Variants in KCNH5 observed in about 807,000 individuals in gnomAD.
The protein encoded by KCNH5 is potassium voltage-gated channel subfamily H member 5, also known as voltage-gated delayed rectifier potassium channel KCNH5.
Under a neutral mutation model 96.1 loss-of-function variants are expected in KCNH5, and 46 were observed. That is an observed-to-expected ratio of 0.48 (90% CI 0.38 to 0.61). The LOEUF is 0.61. Among genes scored for constraint, KCNH5 ranks in the 20% least tolerant of loss-of-function variants. The pLI is 0.00. For missense variants in KCNH5, 907 were observed against 1,225.8 expected, an observed-to-expected ratio of 0.74 and a Z score of 3.88; for synonymous variants, 439 against 449.8, an observed-to-expected ratio of 0.98 and a Z score of 0.30.
chr14:62,976,641 C>G (rs1298398230), intron 6 of KCNH5, among the ~76,000 whole-genome samples: 3 of 152,022 alleles, frequency 2.0e-5, no homozygotes, highest in Admixed American at 6.6e-5. Context: ...AGTTACAGAA[C>G]CTTAGGACAG....
chr14:62,842,333 A>C (rs1887602411), intron 8 of KCNH5, among the ~76,000 whole-genome samples: 1 of 152,178 alleles, frequency 6.6e-6, no homozygotes, highest in South Asian at 2.1e-4. Flanking sequence ...AAACGAAAAA[A>C]CTGAGGTTTC....
intron 7 of KCNH5, among the ~76,000 whole-genome samples, chr14:62,882,617 T>C (rs1249934317): frequency 6.6e-6 from 1 of 152,248 alleles, no homozygotes; most frequent in African/African-American, 2.4e-5. Flanking sequence ...AGGGCCACCA[T>C]GCTGATCCAT....
At chr14:62,852,569 C>T (rs899220587) in intron 7 of KCNH5, among the ~76,000 whole-genome samples, 4 of 150,680 alleles carry the variant, frequency 2.7e-5, no homozygotes, top group Non-Finnish European at 4.4e-5. Flanking sequence ...GATAATGGCA[C>T]AGTACAATTA....
At chr14:62,756,138 G>A (rs1255491873) in intron 10 of KCNH5, among the ~76,000 whole-genome samples, 1 of 151,716 alleles carries the variant, frequency 6.6e-6, no homozygotes, top group African/African-American at 2.4e-5. Flanking sequence ...GTAAAAATCA[G>A]TAGCATTTTT....
At chr14:62,737,472 C>T (rs1338593122) in intron 10 of KCNH5, among the ~76,000 whole-genome samples, 1 of 152,162 alleles carries the variant, frequency 6.6e-6, no homozygotes, top group Non-Finnish European at 1.5e-5. Flanking sequence ...AGTAGAGTCT[C>T]AGTCTGTTTA....
intron 10 of KCNH5, among the ~76,000 whole-genome samples, chr14:62,730,304 C>A (rs926951592): frequency 3.3e-5 from 5 of 152,116 alleles, no homozygotes; most frequent in African/African-American, 4.8e-5. Context: ...ATCTTCTAAT[C>A]CTTATTTTAC....
intron 7 of KCNH5, among the ~76,000 whole-genome samples, chr14:62,878,431 T>A (rs1174459962): frequency 6.6e-6 from 1 of 152,040 alleles, no homozygotes; most frequent in Non-Finnish European, 1.5e-5. Context: ...CTAAAGAACA[T>A]CATAATCACA....
Position 62,949,519 on chromosome 14 carries a change from G to T in KCNH5, c.1369+614C>A, listed in dbSNP as rs185646799. On this transcript the variant is annotated intron_variant, in intron 7 of 10. Coordinates refer to ENST00000322893, the MANE Select transcript of KCNH5 (RefSeq NM_139318.5). ...GAGCACATGGTCTTTGTTCCTTTAG[G>T]GGGTATTCTACTTCCAAGAACTTGG... 3.9e-5 allele frequency among the ~76,000 whole-genome samples: 6 copies of T among 152,136 alleles called. No individual in the cohort carries two copies. The East Asian group carries it at 7.8e-4, about 20-fold the overall frequency.
At chr14:62,877,733 T>C (rs1454460563) in intron 7 of KCNH5, among the ~76,000 whole-genome samples, 1 of 151,730 alleles carries the variant, frequency 6.6e-6, no homozygotes, top group African/African-American at 2.4e-5. Flanking sequence ...AGGAACACTT[T>C]TACACTGTTG....
At chr14:62,889,397 T>C (rs1451071212) in intron 7 of KCNH5, among the ~76,000 whole-genome samples, 2 of 152,004 alleles carry the variant, frequency 1.3e-5, no homozygotes, top group Admixed American at 1.3e-4. Flanking sequence ...AAGCAGAGAC[T>C]GCACCAAAAA....
intron 6 of KCNH5, among the ~76,000 whole-genome samples, chr14:62,958,861 T>G (rs927125087): frequency 2.6e-5 from 4 of 152,162 alleles, no homozygotes; most frequent in East Asian, 1.9e-4. Context: ...CTGTTTTTCT[T>G]GTAAATTTAC....
At chr14:62,720,534 G>T (rs1449708123) in intron 10 of KCNH5, among the ~76,000 whole-genome samples, 2 of 152,180 alleles carry the variant, frequency 1.3e-5, no homozygotes, top group Non-Finnish European at 2.9e-5. Flanking sequence ...ACTGAGCTGA[G>T]ATCGCGCCAC....
At chr14:62,962,537 G>C (rs1029676316) in intron 6 of KCNH5, among the ~76,000 whole-genome samples, 3 of 152,130 alleles carry the variant, frequency 2.0e-5, no homozygotes, top group African/African-American at 7.2e-5. Context: ...TAGTGAAGAA[G>C]AATATGCCAA....
chr14:62,816,738 T>C (rs1458748522), intron 8 of KCNH5, among the ~76,000 whole-genome samples: 1 of 151,998 alleles, frequency 6.6e-6, no homozygotes, highest in Admixed American at 6.6e-5. Context: ...ATAATTGACA[T>C]ATAGTAGATA....
At chr14:62,872,124 T>G (rs541714497) in intron 7 of KCNH5, among the ~76,000 whole-genome samples, 34 of 152,352 alleles carry the variant, frequency 2.2e-4, no homozygotes, top group Admixed American at 2.2e-3. Context: ...CTTTCACAAT[T>G]TCATTTCCTG....
chr14:62,861,005 A>T (rs961057619), intron 7 of KCNH5, among the ~76,000 whole-genome samples: 1 of 152,232 alleles, frequency 6.6e-6, no homozygotes, highest in African/African-American at 2.4e-5. Context: ...AGTCACTCAG[A>T]GGTTCCCAGA....
At chr14:62,863,536 T>G (rs753643910) in intron 7 of KCNH5, among the ~76,000 whole-genome samples, 5 of 152,184 alleles carry the variant, frequency 3.3e-5, no homozygotes, top group Non-Finnish European at 7.4e-5. Context: ...AGCCATAGTA[T>G]ATAAAGACTT....
chr14:62,852,042 T>C (rs1230062422), intron 7 of KCNH5, among the ~76,000 whole-genome samples: 2 of 152,182 alleles, frequency 1.3e-5, no homozygotes, highest in Admixed American at 1.3e-4. Context: ...TATAAAAATA[T>C]CCATTTTGTT....
intron 7 of KCNH5, among the ~76,000 whole-genome samples, chr14:62,888,383 AT>A (rs1245430532): frequency 6.6e-6 from 1 of 152,176 alleles, no homozygotes; most frequent in Non-Finnish European, 1.5e-5. Context: ...AATAGATGAA[AT>A]TTAACTTTGT....
Sources: allele counts gnomAD v4.1 joint callset (sites outside exome capture counted in the v4.1 genomes callset), GRCh38; gene constraint gnomAD v4.1.1; transcripts MANE v1.5; gene names NCBI Gene and HGNC (gene_info 2026-07-23, HGNC 2026-07-21).